FOXO3: variants seen among roughly 807,000 people sequenced by gnomAD.
FOXO3 encodes the protein forkhead box O3.
FOXO3 carries 4 observed loss-of-function variants against 41.9 expected under a neutral mutation model. That is an observed-to-expected ratio of 0.10 (90% CI 0.05 to 0.22). The LOEUF (loss-of-function observed/expected upper bound fraction) is 0.22. Among genes scored for constraint, FOXO3 ranks in the 10% least tolerant of loss-of-function variants. FOXO3 has a pLI of 1.00. For synonymous variants in FOXO3, 318 were observed against 389.3 expected (o/e 0.82, Z 2.16); for missense variants, 534 against 906.8 (o/e 0.59, Z 5.28).
At chr6:108,640,616 A>G (rs919939114) in intron 1 of FOXO3, among the ~76,000 whole-genome samples, 1 of 152,112 alleles carries the variant, frequency 6.6e-6, no homozygotes, top group African/African-American at 2.4e-5. Context: ...CATTTGTTTT[A>G]TAGCTTGTTT....
intron 1 of FOXO3, among the ~76,000 whole-genome samples, chr6:108,659,729 T>A (rs922874861): frequency 1.3e-5 from 2 of 152,206 alleles, no homozygotes; most frequent in Non-Finnish European, 1.5e-5. Flanking sequence ...GCCCTGGATG[T>A]GGGTGTTCCA....
At chr6:108,647,109 T>G (rs546630332) in intron 1 of FOXO3, among the ~76,000 whole-genome samples, 5 of 152,350 alleles carry the variant, frequency 3.3e-5, no homozygotes, top group Admixed American at 2.0e-4. Context: ...ACCTTACTTT[T>G]TTCTGTTTTT....
At chr6:108,604,353 T>C (rs572958439) in intron 1 of FOXO3, among the ~76,000 whole-genome samples, 1 of 152,326 alleles carries the variant, frequency 6.6e-6, no homozygotes, top group African/African-American at 2.4e-5. Flanking sequence ...TTTGCCCTCT[T>C]CAGTGGCAGG....
chr6:108,582,683 T>C (rs181481395), intron 1 of FOXO3, among the ~76,000 whole-genome samples: 1 of 152,158 alleles, frequency 6.6e-6, no homozygotes, highest in African/African-American at 2.4e-5. Context: ...GGGCAGACTT[T>C]GAGTATTTTT....
intron 1 of FOXO3, 76 bp downstream of exon 1, chr6:108,561,905 G>C: frequency 6.8e-7 from 1 of 1,475,408 alleles, no homozygotes; most frequent in Non-Finnish European, 9.0e-7. Flanking sequence ...CGGATTCGTC[G>C]GAGTGCGCTT....
At chr6:108,664,927 G>T in intron 2 of FOXO3, 38 bp downstream of exon 2, 1 of 1,536,984 alleles carries the variant, frequency 6.5e-7, no homozygotes, top group Non-Finnish European at 8.8e-7. Context: ...ATAACAATAT[G>T]GGGATGAGGG....
chr6:108,562,877 T>C (rs1378459364), intron 1 of FOXO3, among the ~76,000 whole-genome samples: 1 of 152,204 alleles, frequency 6.6e-6, no homozygotes, highest in Non-Finnish European at 1.5e-5. Flanking sequence ...TTCCTCTTCC[T>C]AGGCACCTCC....
chr6:108,659,162 G>C (rs1318943326), intron 1 of FOXO3, among the ~76,000 whole-genome samples: 1 of 152,090 alleles, frequency 6.6e-6, no homozygotes, highest in Non-Finnish European at 1.5e-5. Context: ...TGGAATTATA[G>C]GCGTCAGGCA....
intron 1 of FOXO3, among the ~76,000 whole-genome samples, chr6:108,562,182 GT>G: frequency 6.6e-6 from 1 of 152,268 alleles, no homozygotes; most frequent in East Asian, 1.9e-4. Flanking sequence ...GTTTACCGTA[GT>G]GGGGGTCTGG....
chr6:108,667,865 G>A (rs1373419724), intron 2 of FOXO3, among the ~76,000 whole-genome samples: 3 of 152,188 alleles, frequency 2.0e-5, no homozygotes, highest in Non-Finnish European at 4.4e-5. Flanking sequence ...CCATCCAAAG[G>A]ACAGTGGGGG....
chr6:108,668,935 C>T (rs1562266572), intron 2 of FOXO3, among the ~76,000 whole-genome samples: 1 of 151,978 alleles, frequency 6.6e-6, no homozygotes, highest in Admixed American at 6.6e-5. Context: ...GACGGTGAAA[C>T]CCCGTCTCTA....
At chr6:108,678,676 G>A (rs1307224874) in intron 2 of FOXO3, among the ~76,000 whole-genome samples, 5 of 151,436 alleles carry the variant, frequency 3.3e-5, no homozygotes, top group Admixed American at 3.3e-4. Context: ...TGTTTTATGG[G>A]GGATTTCTTG....
upstream of FOXO3, among the ~76,000 whole-genome samples, chr6:108,560,497 C>T (rs188880118): frequency 2.0e-5 from 3 of 152,198 alleles, no homozygotes; most frequent in South Asian, 2.1e-4. Context: ...CGTTCGCCCT[C>T]TGGCCCGCGG....
intron 1 of FOXO3, chr6:108,618,399 A>G (rs555710721): frequency 2.0e-6 from 1 of 498,228 alleles, no homozygotes; most frequent in African/African-American, 2.0e-5. Context: ...GCAGCAGCAG[A>G]TGAAGGAGAG....
chr6:108,638,987 C>T (rs1022421364), intron 1 of FOXO3, among the ~76,000 whole-genome samples: 2 of 152,150 alleles, frequency 1.3e-5, no homozygotes, highest in African/African-American at 4.8e-5. Flanking sequence ...AGTCCTTTTC[C>T]ACTGCGGTGT....
At chr6:108,570,192 G>A (rs964048232) in intron 1 of FOXO3, among the ~76,000 whole-genome samples, 2 of 151,892 alleles carry the variant, frequency 1.3e-5, no homozygotes, top group Non-Finnish European at 2.9e-5. Context: ...TTAGAGACGG[G>A]GCTTCACTGT....
At chr6:108,573,838 ATAAG>A (rs1272598482) in intron 1 of FOXO3, among the ~76,000 whole-genome samples, 2 of 151,882 alleles carry the variant, frequency 1.3e-5, no homozygotes, top group African/African-American at 4.8e-5. Context: ...TCAAAAATAA[ATAAG>A]TAATGATAAT....
At chr6:108,605,670 C>T (rs1464083936) in intron 1 of FOXO3, among the ~76,000 whole-genome samples, 1 of 152,128 alleles carries the variant, frequency 6.6e-6, no homozygotes, top group Non-Finnish European at 1.5e-5. Flanking sequence ...TAGAATTATC[C>T]TAGAAGGGAA....
At chr6:108,636,375 G>A (rs752208258) in intron 1 of FOXO3, among the ~76,000 whole-genome samples, 1 of 152,100 alleles carries the variant, frequency 6.6e-6, no homozygotes, top group Non-Finnish European at 1.5e-5. Context: ...TCACTGTTTC[G>A]TATGCTCTAG....
Sources: gnomAD v4.1 joint callset for allele counts (sites outside exome capture counted in the v4.1 genomes callset) on GRCh38, gnomAD v4.1.1 for gene constraint, MANE v1.5 for transcripts, NCBI Gene and HGNC (gene_info 2026-07-23, HGNC 2026-07-21) for gene names.